The following ADAMTSL2 variants were observed in gnomAD, a reference collection of about 807,000 sequenced individuals.
ADAMTSL2 encodes the protein ADAMTS like 2.
In ADAMTSL2, 55 loss-of-function variants were observed where a neutral mutation model predicts 117.0. That is an observed-to-expected ratio of 0.47 (90% confidence interval 0.38 to 0.59). ADAMTSL2 has a LOEUF of 0.59. Among genes scored for constraint, ADAMTSL2 ranks in the 20% least tolerant of loss-of-function variants. The probability of loss-of-function intolerance (pLI) is 0.00; values close to 1 mark genes in which losing one functional copy is unlikely to be tolerated. For missense variants in ADAMTSL2, 1,182 were observed against 1,354.5 expected (o/e 0.87, Z 2.00); for synonymous variants, 572 against 566.4 (o/e 1.01, Z -0.14).
chr9:133,539,056 A>G (rs925448401), intron 4 of ADAMTSL2, among the ~76,000 whole-genome samples: 1 of 152,030 alleles, frequency 6.6e-6, no homozygotes, highest in African/African-American at 2.4e-5. Context: ...GGGAAGGCAG[A>G]GCAGCTGGGG....
At chr9:133,548,274 G>T (rs182726575) in intron 9 of ADAMTSL2, among the ~76,000 whole-genome samples, 5 of 152,240 alleles carry the variant, frequency 3.3e-5, no homozygotes, top group Admixed American at 2.6e-4. Flanking sequence ...TGCTGGAGGG[G>T]TCTCTAACTG....
Position 133,569,544 on chromosome 9 carries a change from G to A in ADAMTSL2, c.2381G>A (p.Cys794Tyr). 1 of 1,596,730 alleles carries A rather than the reference G, an allele frequency of 6.3e-7. No homozygotes were observed. Among genetic ancestry groups the A allele is most frequent in the Non-Finnish European group, 8.5e-7 (1 of 1,171,186 alleles). Residue 794 changes from cysteine (C) to tyrosine (Y), a missense_variant, in exon 16 of 19, where the codon TGT (cysteine) becomes TAT (tyrosine). Coordinates refer to ENST00000651351, the MANE Select transcript of ADAMTSL2 (RefSeq NM_014694.4). ...LAIHPCGDKN[C>Y]PAHWLAQDWE... The stretch of plus-strand genomic sequence containing the variant: ...ATCCACCCCTGTGGGGACAAAAACT[G>A]TCCCGCCCACTGGCTGGCCCAGGAC...
intron 17 of ADAMTSL2, 144 bp downstream of exon 17, chr9:133,570,651 T>G (rs1831084633): frequency 2.2e-6 from 2 of 926,704 alleles, no homozygotes; most frequent in Non-Finnish European, 3.3e-6. Flanking sequence ...CCGGGAAAGC[T>G]TCTCAACTCC....
chr9:133,540,039 T>C (rs535585672), intron 5 of ADAMTSL2, among the ~76,000 whole-genome samples, 166 bp downstream of exon 5: 4 of 151,814 alleles, frequency 2.6e-5, no homozygotes, highest in Admixed American at 6.6e-5. Flanking sequence ...GGCCCAGGGG[T>C]CTGTCCCCTC....
chr9:133,534,828 G>GC lies in ADAMTSL2; in HGVS notation c.-235dup, dbSNP rs772517757. ...GGGCCGCAGCCTCTGCACTCACGCC[G>GC]CCCCCGCACGCACAGCGCACCTGGC... On this transcript the variant is annotated 5_prime_UTR_variant, in exon 1 of 19. The change creates a premature stop within an existing upstream ORF in the 5' untranslated region. Transcript: ENST00000651351. The GC allele has an allele frequency of 1.1e-5, 17 of 1,494,934 alleles. No individual in the cohort carries two copies. The South Asian group carries it at 1.9e-4, about 17-fold the overall frequency. The allele number at this position is 1,494,934 out of a possible 1,614,324, so 92.6% of individuals were successfully genotyped here. A position where few individuals can be genotyped will look rare whatever the true frequency, so the allele number is the denominator to read the frequency against.
intron 8 of ADAMTSL2, 151 bp from the exon 9 acceptor site, chr9:133,546,887 G>A (rs547260197): frequency 4.4e-4 from 366 of 827,868 alleles, no homozygotes; most frequent in Non-Finnish European, 7.1e-4. Flanking sequence ...GCATTCACTG[G>A]CCAGACTCTC....
intron 9 of ADAMTSL2, among the ~76,000 whole-genome samples, chr9:133,549,437 C>T (rs563964495): frequency 6.7e-4 from 102 of 152,230 alleles, no homozygotes; most frequent in African/African-American, 2.1e-3. Context: ...TGCTTTTGTC[C>T]AGTTATCATC....
chr9:133,561,155 C>G, intron 11 of ADAMTSL2, 43 bp from the exon 12 acceptor site: 2 of 1,523,188 alleles, frequency 1.3e-6, no homozygotes, highest in Non-Finnish European at 1.8e-6. Context: ...GCCGGTGGGG[C>G]CTGGAGCGTC....
In ADAMTSL2 at chr9:133,554,611, C is replaced by T; in HGVS notation, c.1194C>T (p.Ser398=). ...HPGLDMELGP[S]QGQETNEVCE... is the part of the protein sequence containing the mutation. ...GCCTGGACATGGAGCTGGGCCCCAG[C>T]CAGGGCCAGGAGACCAACGAGGTGT... The change falls in exon 10 of 19, where the codon AGC becomes AGT. Residue 398 remains serine (S), a synonymous_variant. Coordinates refer to ENST00000651351, the MANE Select transcript of ADAMTSL2 (RefSeq NM_014694.4). This position sits in a 1 kb window ranked among gnomAD's most constrained non-coding sequence, Gnocchi z 5.2. The T allele has an allele frequency of 6.5e-7, 1 of 1,547,272 alleles. No homozygotes were observed. Among genetic ancestry groups the T allele is most frequent in the East Asian group, 2.4e-5 (1 of 41,444 alleles).
intron 7 of ADAMTSL2, among the ~76,000 whole-genome samples, chr9:133,543,764 C>A (rs1222968936): frequency 1.3e-5 from 2 of 152,262 alleles, no homozygotes; most frequent in Non-Finnish European, 2.9e-5. Context: ...GTATTAAAAT[C>A]TCTCCTTCTC....
intron 11 of ADAMTSL2, among the ~76,000 whole-genome samples, chr9:133,560,606 C>T (rs1830704106): frequency 1.3e-5 from 2 of 152,374 alleles, no homozygotes; most frequent in South Asian, 2.1e-4. Flanking sequence ...GTGCCTCCCC[C>T]GACCCCAGCA....
upstream of ADAMTSL2, among the ~76,000 whole-genome samples, chr9:133,533,344 C>T (rs1397017127): frequency 4.6e-5 from 7 of 152,168 alleles, no homozygotes; most frequent in Admixed American, 2.0e-4. Context: ...CCAGTTGCCC[C>T]AGCAGGAGAA....
At chr9:133,563,722 T>C (rs1830803283) in intron 12 of ADAMTSL2, among the ~76,000 whole-genome samples, 1 of 150,860 alleles carries the variant, frequency 6.6e-6, no homozygotes. Context: ...GAAAGACAGG[T>C]TTTGGCTTTG....
intron 9 of ADAMTSL2, among the ~76,000 whole-genome samples, chr9:133,550,231 G>A (rs1029851140): frequency 1.3e-5 from 2 of 152,260 alleles, no homozygotes; most frequent in African/African-American, 4.8e-5. Context: ...GGGCTGGCCT[G>A]GAAAAACGGC....
chr9:133,538,369 C>G lies in ADAMTSL2; in HGVS notation c.254C>G (p.Pro85Arg), dbSNP rs945119581. Residue 85 changes from proline (P) to arginine (R), a missense_variant, in exon 4 of 19, where the codon CCC becomes CGC. Transcript: ENST00000651351. ...LQQRRKSVPG[P>R]GNRTCTGTSK... ...GCCAGGAGGAAGTCCGTCCCGGGCC[C>G]CGGGAACAGGACCTGCACGGGCACG... 6 of 1,613,362 alleles carry G rather than the reference C, an allele frequency of 3.7e-6. No individual in the cohort carries two copies. The highest frequency in any genetic ancestry group is 5.1e-6 in the Non-Finnish European group (6 of 1,180,042).
rs995977916 is a variant in ADAMTSL2, at chr9:133,558,511, C to T, written c.1649+2581C>T. Among the ~76,000 whole-genome samples the T allele has an allele frequency of 9.2e-5, 14 of 152,354 alleles. No individual in the cohort carries two copies. The highest frequency in any genetic ancestry group is 4.1e-4 in the South Asian group (2 of 4,830). ...AACAAGCTTCTGAGACACAGAGACG[C>T]GGAGTCCCTCTCCGCAGCCTTGGGG... On this transcript the variant is annotated intron_variant, in intron 11 of 18. Transcript: ENST00000651351. The surrounding 1 kb of genome is among the most constrained non-coding windows in gnomAD (Gnocchi z 4.3).
At chr9:133,559,718 C>G (rs1288924670) in intron 11 of ADAMTSL2, among the ~76,000 whole-genome samples, 1 of 152,120 alleles carries the variant, frequency 6.6e-6, no homozygotes, top group Non-Finnish European at 1.5e-5. Context: ...CTTCCCTTCC[C>G]CTTGAGCCCC....
Position 133,568,331 on chromosome 9 carries a change from C to A in ADAMTSL2, c.1933C>A (p.Arg645Ser). The A allele has an allele frequency of 6.3e-7, 1 of 1,584,716 alleles. No homozygotes were observed. Among genetic ancestry groups the A allele is most frequent in the East Asian group, 2.3e-5 (1 of 43,200 alleles). ...SRTCGEGYQF[R>S]VVRCWKMLSP... ...CACCTGCGGAGAGGGCTACCAGTTCCGCGTCGTGCGCTGCTGGAAGATGCT... is the reference window on the plus strand; with the variant it reads ...CACCTGCGGAGAGGGCTACCAGTTCAGCGTCGTGCGCTGCTGGAAGATGCT... Residue 645 changes from arginine (R) to serine (S), a missense_variant, in exon 14 of 19, where the codon CGC becomes AGC. Coordinates refer to ENST00000651351, the MANE Select transcript of ADAMTSL2 (RefSeq NM_014694.4).
rs944361210 is a variant in ADAMTSL2 at position 133,560,412 on chromosome 9, G to A, written c.1650-786G>A. On this transcript the variant is annotated intron_variant, in intron 11 of 18. Transcript: ENST00000651351. ...TCCCAGAGCAGATGCCCGGGCTGTG[G>A]AGCTGCTGCCGCCTCTGCTTCCCTC... 6.8e-4 allele frequency among the ~76,000 whole-genome samples: 103 copies of A among 152,352 alleles called. 1 individual carries two copies. Among genetic ancestry groups the A allele is most frequent in the Non-Finnish European group, 8.2e-4 (56 of 68,030 alleles).
Sources: gnomAD v4.1 joint callset for allele counts (sites outside exome capture counted in the v4.1 genomes callset) on GRCh38, gnomAD v4.1.1 for gene constraint, Gnocchi (gnomAD v3.1) non-coding constraint, MANE v1.5 for transcripts, NCBI Gene and HGNC (gene_info 2026-07-23, HGNC 2026-07-21) for gene names.